SYT16: variants seen among roughly 807,000 people sequenced by gnomAD.
SYT16 encodes the protein synaptotagmin-16.
In SYT16, 42 loss-of-function variants were observed where a neutral mutation model predicts 61.4. That is an observed-to-expected ratio of 0.68 (90% confidence interval 0.53 to 0.89). The LOEUF (loss-of-function observed/expected upper bound fraction) is 0.89. SYT16 is among the 40% of genes least tolerant of loss of function. The pLI, the probability that SYT16 is intolerant of heterozygous loss-of-function variation, is 0.00. For synonymous variants in SYT16, 314 were observed against 302.3 expected, an observed-to-expected ratio of 1.04 and a Z score of -0.40; for missense variants, 804 against 807.3, an observed-to-expected ratio of 1.00 and a Z score of 0.05.
intron 7 of SYT16, among the ~76,000 whole-genome samples, chr14:62,087,976 AC>A (rs1302497415): frequency 6.6e-6 from 1 of 152,190 alleles, no homozygotes; most frequent in Non-Finnish European, 1.5e-5. Context: ...AAAAATTTGC[AC>A]CAAGTATTGG....
intron 3 of SYT16, among the ~76,000 whole-genome samples, chr14:62,015,156 T>C (rs2053619386): frequency 6.6e-6 from 1 of 152,224 alleles, no homozygotes; most frequent in Non-Finnish European, 1.5e-5. Context: ...CTCAATAATA[T>C]AGATTTTATA....
At chr14:61,910,833 G>A (rs764089840) in intron 1 of SYT16, among the ~76,000 whole-genome samples, 3 of 152,166 alleles carry the variant, frequency 2.0e-5, no homozygotes, top group Non-Finnish European at 4.4e-5. Flanking sequence ...CCGGCCATAT[G>A]CTGTCTTTAA....
intron 3 of SYT16, among the ~76,000 whole-genome samples, chr14:62,001,163 A>T (rs2052999247): frequency 6.6e-6 from 1 of 152,130 alleles, no homozygotes; most frequent in Admixed American, 6.6e-5. Context: ...ACCACTTATG[A>T]ATTATCTCAA....
intron 3 of SYT16, among the ~76,000 whole-genome samples, chr14:62,005,716 G>A (rs1429595943): frequency 6.6e-6 from 1 of 152,066 alleles, no homozygotes; most frequent in East Asian, 1.9e-4. Flanking sequence ...TTATACTATG[G>A]CCCCTTTTAA....
chr14:61,971,470 A>G (rs2140528943), intron 2 of SYT16, among the ~76,000 whole-genome samples: 1 of 152,306 alleles, frequency 6.6e-6, no homozygotes, highest in East Asian at 1.9e-4. Flanking sequence ...ACCCTCCACA[A>G]GGCTACTTGA....
At chr14:61,850,392 C>T (rs1231640019) in intron 1 of SYT16, among the ~76,000 whole-genome samples, 3 of 152,092 alleles carry the variant, frequency 2.0e-5, no homozygotes, top group South Asian at 2.1e-4. Flanking sequence ...ACCTTGGCCT[C>T]CCAGAGTGCT....
upstream of SYT16, chr14:61,812,504 AG>A (rs1469483209): frequency 5.2e-4 from 43 of 83,164 alleles, 1 homozygote; most frequent in East Asian, 3.3e-4. Flanking sequence ...AAAGGAGGGG[AG>A]GGGGACGGAC....
intron 3 of SYT16, among the ~76,000 whole-genome samples, chr14:62,052,839 AT>A (rs1365183450): frequency 6.6e-6 from 1 of 152,232 alleles, no homozygotes; most frequent in East Asian, 1.9e-4. Context: ...GAGCCTAAGC[AT>A]GCTGGCATCC....
chr14:61,883,519 C>T lies in SYT16; in HGVS notation c.-325+70709C>T, dbSNP rs2047777611. Among the ~76,000 whole-genome samples, 7 of 152,318 alleles carry T rather than the reference C, an allele frequency of 4.6e-5. No individual in the cohort carries two copies. The South Asian group carries it at 1.5e-3, about 32-fold the overall frequency. ...CCATCTGGGACCACCTTAGCCTGGA[C>T]TTCATTGTCCATATCACTATCAGCA... On this transcript the variant is annotated intron_variant, in intron 1 of 7. Coordinates refer to ENST00000683842, the MANE Select transcript of SYT16 (RefSeq NM_001367656.1).
chr14:61,908,114 T>A (rs1372161054), intron 1 of SYT16, among the ~76,000 whole-genome samples: 2 of 152,232 alleles, frequency 1.3e-5, no homozygotes, highest in African/African-American at 4.8e-5. Context: ...CCTTTGGCCT[T>A]TAAAGGCTGC....
rs553733430 is a variant in SYT16, at chr14:61,838,432, C to T, written c.-325+25622C>T. Among the ~76,000 whole-genome samples the T allele has an allele frequency of 3.9e-5, 6 of 152,280 alleles. No individual in the cohort carries two copies. In the East Asian group the frequency reaches 1.2e-3, roughly 29 times the overall value. On this transcript the variant is annotated intron_variant, in intron 1 of 7. Coordinates refer to ENST00000683842, the MANE Select transcript of SYT16 (RefSeq NM_001367656.1). The stretch of plus-strand genomic sequence containing the variant: ...GTCAGAGGACCCTCCCAGCTGTTCA[C>T]CCACTGACGACCACCCTGAGAGAGA...
intron 3 of SYT16, among the ~76,000 whole-genome samples, chr14:62,022,709 G>A (rs970944211): frequency 6.6e-6 from 1 of 151,972 alleles, no homozygotes; most frequent in Admixed American, 6.6e-5. Context: ...GTACTTCAGT[G>A]TAGGCATTTT....
intron 1 of SYT16, chr14:61,864,913 T>C (rs964076599): frequency 7.9e-7 from 1 of 1,266,616 alleles, no homozygotes; most frequent in African/African-American, 1.5e-5. Flanking sequence ...GGATGCTCCG[T>C]GTCTTAACCG....
chr14:62,070,518 C>T (rs952172017), intron 4 of SYT16, among the ~76,000 whole-genome samples: 1 of 152,162 alleles, frequency 6.6e-6, no homozygotes, highest in African/African-American at 2.4e-5. Context: ...GGGCAGCCAG[C>T]TTGGGATGTT....
intron 1 of SYT16, among the ~76,000 whole-genome samples, chr14:61,820,852 T>C (rs1302554423): frequency 2.0e-5 from 3 of 152,306 alleles, no homozygotes; most frequent in East Asian, 3.9e-4. Context: ...AAGCTTAATA[T>C]GCTAGTAATA....
At chr14:61,914,503 T>C (rs1360942484) in intron 1 of SYT16, among the ~76,000 whole-genome samples, 2 of 152,204 alleles carry the variant, frequency 1.3e-5, no homozygotes, top group Non-Finnish European at 2.9e-5. Flanking sequence ...GCCTCTCTAA[T>C]TGAGCATGTT....
chr14:61,947,209 C>G (rs2050474095), intron 1 of SYT16, among the ~76,000 whole-genome samples: 1 of 151,030 alleles, frequency 6.6e-6, no homozygotes, highest in African/African-American at 2.4e-5. Flanking sequence ...GGTCTCAGCT[C>G]TGCTACAATA....
chr14:62,051,501 C>T (rs2055294139), intron 3 of SYT16, among the ~76,000 whole-genome samples: 1 of 152,184 alleles, frequency 6.6e-6, no homozygotes, highest in African/African-American at 2.4e-5. Flanking sequence ...CTGGCACTAC[C>T]CAGTGAGATG....
chr14:61,982,734 T>A (rs921209602), intron 2 of SYT16, among the ~76,000 whole-genome samples: 4 of 152,172 alleles, frequency 2.6e-5, no homozygotes, highest in African/African-American at 9.7e-5. Flanking sequence ...TTTTGAAGGA[T>A]TTTTGACGTA....
Sources: gnomAD v4.1 joint callset for allele counts (sites outside exome capture counted in the v4.1 genomes callset) on GRCh38, gnomAD v4.1.1 for gene constraint, MANE v1.5 for transcripts, NCBI Gene and HGNC (gene_info 2026-07-23, HGNC 2026-07-21) for gene names.